Variants in NYAP2 observed in about 807,000 individuals in gnomAD.
The protein encoded by NYAP2 is neuronal tyrosine-phosphorylated phosphoinositide-3-kinase adaptor 2.
A neutral mutation model predicts 50.4 loss-of-function variants in NYAP2; 23 were observed. The observed-to-expected ratio is 0.46, with a 90% confidence interval of 0.33 to 0.65. The LOEUF is 0.65. Ranked by LOEUF, NYAP2 falls within the 30% of genes least tolerant of loss-of-function variation. The probability of loss-of-function intolerance (pLI) is 0.02; values close to 1 mark genes in which losing one functional copy is unlikely to be tolerated. For missense variants in NYAP2, 885 were observed against 861.0 expected (o/e 1.03, Z -0.35); for synonymous variants, 394 against 365.2 (o/e 1.08, Z -0.90).
intron 3 of NYAP2, among the ~76,000 whole-genome samples, chr2:225,413,650 G>C (rs1695081816): frequency 6.6e-6 from 1 of 152,132 alleles, no homozygotes; most frequent in Non-Finnish European, 1.5e-5. Flanking sequence ...CTGGCATTTT[G>C]GGATTCCAGG....
intron 3 of NYAP2, among the ~76,000 whole-genome samples, chr2:225,431,560 G>A (rs1689249581): frequency 6.6e-6 from 1 of 152,268 alleles, no homozygotes; most frequent in African/African-American, 2.4e-5. Context: ...TCAGACTGAT[G>A]CAATTTCTCA....
chr2:225,654,496 A>G (rs1024999848), downstream of NYAP2, among the ~76,000 whole-genome samples: 8 of 152,092 alleles, frequency 5.3e-5, no homozygotes, highest in Admixed American at 3.3e-4. Flanking sequence ...CAGCCTGGCC[A>G]ACATGGTGAA....
the NYAP2 span, among the ~76,000 whole-genome samples, chr2:225,673,712 T>A: frequency 0.02 from 3,058 of 152,232 alleles, 106 homozygotes; most frequent in African/African-American, 0.069. Context: ...GATTCTGGCA[T>A]TAAAGAGCAA....
chr2:225,434,660 C>G (rs754610128), intron 3 of NYAP2, among the ~76,000 whole-genome samples: 1 of 152,202 alleles, frequency 6.6e-6, no homozygotes, highest in African/African-American at 2.4e-5. Context: ...ACTTTCTCCT[C>G]TGAAGACTGT....
intron 5 of NYAP2, among the ~76,000 whole-genome samples, chr2:225,597,752 A>G (rs1343523167): frequency 1.3e-5 from 2 of 151,374 alleles, no homozygotes; most frequent in Non-Finnish European, 2.9e-5. Flanking sequence ...ATTTTTAAAT[A>G]TTTACCTCAT....
chr2:225,494,186 T>A (rs190086399), intron 3 of NYAP2, among the ~76,000 whole-genome samples: 206 of 152,372 alleles, frequency 1.4e-3, no homozygotes, highest in Middle Eastern at 6.8e-3. Context: ...ATGGGAACAC[T>A]GCCAGTTCAC....
chr2:225,459,736 CG>C (rs1309265547), intron 3 of NYAP2, among the ~76,000 whole-genome samples: 1 of 152,032 alleles, frequency 6.6e-6, no homozygotes, highest in East Asian at 1.9e-4. Context: ...CTCCACCTCC[CG>C]GGTTCTCCCC....
rs541862338 is a variant in NYAP2 at position 225,651,652 on chromosome 2, A to G, written c.*87A>G. On this transcript the variant is annotated 3_prime_UTR_variant, in exon 7 of 7. Coordinates refer to ENST00000636099, the Ensembl canonical transcript of NYAP2. ...CTTTCGCATTTGCTTTTATTTTTCT[A>G]TGTGTGTATGGGTTAGGGGATGCGG... 1.2e-5 allele frequency: 18 copies of G among 1,453,844 alleles called. No individual in the cohort carries two copies. In the East Asian group the frequency reaches 1.6e-4, roughly 13 times the overall value. The allele number at this position is 1,453,844 out of a possible 1,614,324, so 90.1% of individuals were successfully genotyped here. A position where few individuals can be genotyped will look rare whatever the true frequency, so the allele number is the denominator to read the frequency against.
At chr2:225,399,183 C>T (rs1694817426), upstream of NYAP2, among the ~76,000 whole-genome samples, 1 of 151,942 alleles carries the variant, frequency 6.6e-6, no homozygotes, top group African/African-American at 2.4e-5. Context: ...AAGCACATCC[C>T]CTCCCATCAA....
intron 4 of NYAP2, among the ~76,000 whole-genome samples, chr2:225,518,567 T>TATATATAAAA (rs1203016686): frequency 1.2e-4 from 3 of 25,508 alleles, no homozygotes; most frequent in Admixed American, 1.1e-3. Flanking sequence ...TATATATATA[T>TATATATAAAA]ATTAGCGTGT....
At chr2:225,670,605 CAAAAAAAAAAAAAAAA>C in the NYAP2 span, among the ~76,000 whole-genome samples, 3 of 78,550 alleles carry the variant, frequency 3.8e-5, no homozygotes, top group Non-Finnish European at 9.2e-5. Flanking sequence ...CAGTATTTTC[CAAAAAAAAAAAAAAAA>C]AAAAAAAAAA....
chr2:225,529,668 G>A (rs1691218759), intron 4 of NYAP2, among the ~76,000 whole-genome samples: 1 of 150,404 alleles, frequency 6.6e-6, no homozygotes, highest in Admixed American at 6.6e-5. Flanking sequence ...AGATAACTTG[G>A]CTTCATTCTC....
chr2:225,420,611 C>CT (rs11356958), intron 3 of NYAP2, among the ~76,000 whole-genome samples: 10,938 of 142,118 alleles, frequency 0.077, 537 homozygotes, highest in South Asian at 0.12. Context: ...CTTTTCTTTT[C>CT]TTTTTTTTTT....
the NYAP2 span, chr2:225,699,192 C>T: frequency 1.8e-4 from 28 of 152,050 alleles, no homozygotes; most frequent in African/African-American, 6.3e-4. Context: ...TCTTTAGCAT[C>T]CTCTGGCAAT....
intron 6 of NYAP2, among the ~76,000 whole-genome samples, chr2:225,629,815 A>C (rs779176441): frequency 7.2e-5 from 11 of 152,210 alleles, no homozygotes; most frequent in Non-Finnish European, 1.2e-4. Context: ...CAAGCCATTC[A>C]TGAAGACTCA....
the NYAP2 span, among the ~76,000 whole-genome samples, chr2:225,674,954 T>C: frequency 1.2e-4 from 18 of 152,180 alleles, no homozygotes; most frequent in South Asian, 3.7e-3. Flanking sequence ...AAGCCCCCAG[T>C]CTTATGTGTT....
At position 225,538,885 on chromosome 2, in the gene NYAP2, G is replaced by A. The variant is rs149168722; in HGVS notation, c.523+25213G>A. 7.6e-4 allele frequency among the ~76,000 whole-genome samples: 104 copies of A among 137,654 alleles called. 4 individuals are homozygous for A. The East Asian group carries it at 0.022, about 29-fold the overall frequency. The allele number at this position is 137,654 out of a possible 152,430, so 90.3% of individuals were successfully genotyped here. On this transcript the variant is annotated intron_variant, in intron 4 of 6. Transcript: ENST00000636099. ...TTATACTTTAAGTTCTGGGATACAT[G>A]TGCAGAACATGCAGGCTTGTCACAT...
At chr2:225,601,278 G>A (rs879544172) in intron 5 of NYAP2, among the ~76,000 whole-genome samples, 3 of 151,846 alleles carry the variant, frequency 2.0e-5, no homozygotes, top group African/African-American at 4.8e-5. Flanking sequence ...GTGCCACCAC[G>A]ACCAGCTAAT....
At chr2:225,612,852 C>CACCCAATATGTGTGATGACATCACACCCA in intron 5 of NYAP2, among the ~76,000 whole-genome samples, 1 of 146,210 alleles carries the variant, frequency 6.8e-6, no homozygotes, top group Middle Eastern at 3.5e-3. Context: ...GATGACATCA[C>CACCCAATATGTGTGATGACATCACACCCA]ATCTGGGTCT....
Sources: gnomAD v4.1 joint callset for allele counts (sites outside exome capture counted in the v4.1 genomes callset) on GRCh38, gnomAD v4.1.1 for gene constraint, MANE v1.5 for transcripts, NCBI Gene and HGNC (gene_info 2026-07-23, HGNC 2026-07-21) for gene names.